SETX: variants seen among roughly 807,000 people sequenced by gnomAD.
SETX encodes the protein helicase senataxin.
Under a neutral mutation model 227.2 loss-of-function variants are expected in SETX, and 90 were observed. The ratio of observed to expected loss-of-function variants is 0.40; its 90% CI spans 0.33 to 0.47. The LOEUF is 0.47. Among genes scored for constraint, SETX ranks in the 20% least tolerant of loss-of-function variants. SETX has a pLI of 0.91. For missense variants in SETX, 3,052 were observed against 3,181.5 expected, an observed-to-expected ratio of 0.96 and a Z score of 0.98; for synonymous variants, 1,210 against 1,113.2, an observed-to-expected ratio of 1.09 and a Z score of -1.73.
chr9:132,305,785 C>T lies in SETX; in HGVS notation c.5375-4982G>A, dbSNP rs117881444. ...ACTGAAGGAAACTAAGAAGACATCA[C>T]AACTGAATGGAATTTGTGATTCTAG... On this transcript the variant is annotated intron_variant, in intron 11 of 25. Transcript: ENST00000224140. Among the ~76,000 whole-genome samples the T allele has an allele frequency of 4.0e-4, 61 of 152,254 alleles. No homozygotes were observed. In the East Asian group the frequency reaches 0.01, roughly 25 times the overall value.
At chr9:132,278,437 C>CTTTTTTTTTTT (rs67558000) in intron 20 of SETX, among the ~76,000 whole-genome samples, 180 bp from the exon 21 acceptor site, 4 of 84,832 alleles carry the variant, frequency 4.7e-5, no homozygotes, top group Non-Finnish European at 7.5e-5. Context: ...TGCCATGAAT[C>CTTTTTTTTTTT]TTTTTTTTTT....
At chr9:132,267,932 G>C (rs899037593) in intron 25 of SETX, among the ~76,000 whole-genome samples, 4 of 152,190 alleles carry the variant, frequency 2.6e-5, no homozygotes, top group African/African-American at 9.7e-5. Context: ...ATGAAAAACA[G>C]TAGTGCCCAC....
chr9:132,301,347 A>G (rs1272215845), intron 11 of SETX, among the ~76,000 whole-genome samples: 7 of 152,022 alleles, frequency 4.6e-5, no homozygotes, highest in African/African-American at 2.4e-5. Flanking sequence ...TCAGCCTCCC[A>G]AAGTGCTGGG....
At chr9:132,331,242 G>A (rs745751506) in intron 8 of SETX, 35 bp downstream of exon 8, 2 of 1,612,632 alleles carry the variant, frequency 1.2e-6, no homozygotes, top group Non-Finnish European at 1.7e-6. Context: ...TTCTTATAGA[G>A]ATGATGTTTA....
rs1842441787 is a variant in SETX at position 132,262,342 on chromosome 9, T to C, written c.*1897A>G. ...TTTTGCCATGCCTCCCTTTAGAAGC[T>C]TAGGAGTTTGTACATTCCCTAAGTG... On this transcript the variant is annotated 3_prime_UTR_variant, in exon 26 of 26. Transcript: ENST00000224140. The C allele has an allele frequency of 6.6e-6, 1 of 152,178 alleles. No homozygotes were observed. Among genetic ancestry groups the C allele is most frequent in the African/African-American group, 2.4e-5 (1 of 41,432 alleles). 9.4% of individuals were successfully genotyped at this position (152,178 alleles called of 1,614,324 possible).
intron 15 of SETX, among the ~76,000 whole-genome samples, chr9:132,292,536 T>C (rs1399071802): frequency 4.1e-5 from 6 of 146,112 alleles, no homozygotes; most frequent in East Asian, 2.0e-4. Flanking sequence ...AGACAACAAA[T>C]ACAATACTAA....
intron 10 of SETX, among the ~76,000 whole-genome samples, chr9:132,324,304 T>C (rs376436633): frequency 1.3e-5 from 2 of 152,098 alleles, no homozygotes; most frequent in South Asian, 4.1e-4. Context: ...AAATTTGAGG[T>C]ACGAATTGAT....
intron 3 of SETX, 38 bp from the exon 4 acceptor site, chr9:132,346,509 TATC>T: frequency 7.0e-7 from 1 of 1,418,556 alleles, no homozygotes; most frequent in Non-Finnish European, 9.8e-7. Context: ...CGTTATGTCT[TATC>T]ATCAACAAAA....
chr9:132,326,939 A>C lies in SETX; in HGVS notation c.4659T>G (p.Asp1553Glu). Residue 1553 changes from aspartate to glutamate, a missense_variant, in exon 10 of 26, where the codon GAT (aspartate) becomes GAG (glutamate). Transcript: ENST00000224140. ...SLSGTKCKYK[D>E]CLETTKNQGE... is the part of the protein sequence containing the mutation. ...CCTGGTTTTTTGTGGTTTCAAGACA[A>C]TCTTTGTACTTACACTTTGTGCCAC... 1 of 1,614,218 alleles carries C rather than the reference A, an allele frequency of 6.2e-7. No homozygotes were observed. Among genetic ancestry groups the C allele is most frequent in the Non-Finnish European group, 8.5e-7 (1 of 1,180,044 alleles).
intron 18 of SETX, among the ~76,000 whole-genome samples, chr9:132,284,184 G>A (rs1843698859): frequency 6.6e-6 from 1 of 152,202 alleles, no homozygotes; most frequent in Non-Finnish European, 1.5e-5. Context: ...GTCAGACACT[G>A]TCCTCAGCCA....
At chr9:132,287,766 C>CAAAAAAAAAAAAA (rs34551713) in intron 17 of SETX, among the ~76,000 whole-genome samples, 1 of 123,900 alleles carries the variant, frequency 8.1e-6, no homozygotes. Context: ...ACCAAAAGGA[C>CAAAAAAAAAAAAA]AAAAAAAAAA....
At chr9:132,315,686 G>A (rs762738831) in intron 10 of SETX, among the ~76,000 whole-genome samples, 4 of 152,092 alleles carry the variant, frequency 2.6e-5, no homozygotes, top group Non-Finnish European at 4.4e-5. Flanking sequence ...CTTAACCACT[G>A]CTGCACAAAA....
intron 10 of SETX, among the ~76,000 whole-genome samples, chr9:132,318,363 C>T (rs556002371): frequency 1.2e-4 from 18 of 152,122 alleles, no homozygotes; most frequent in Non-Finnish European, 2.5e-4. Flanking sequence ...TTACTTTTCT[C>T]TTATAGTGAC....
In SETX at chr9:132,330,495, G is replaced by A. The variant is rs750687631; in HGVS notation, c.1103C>T (p.Ser368Phe). ...NYNPEKTKKD[S>F]GWRTAICPDY... ...TGGGCAAATGGCTGTTCTCCATCCAGAATCCTAAAATGAAAGAAATGCTGA... is the reference window on the plus strand; with the variant it reads ...TGGGCAAATGGCTGTTCTCCATCCAAAATCCTAAAATGAAAGAAATGCTGA... The change falls in exon 10 of 26, where the codon TCT (serine) becomes TTT (phenylalanine). Residue 368 changes from serine (S) to phenylalanine (F), a missense_variant. Around this residue, in one of 10 missense-constraint regions of SETX, gnomAD observed 39 missense variants for 84.8 expected, o/e 0.46. Transcript: ENST00000224140. 4.3e-6 allele frequency: 7 copies of A among 1,611,736 alleles called. No homozygotes were observed. The highest frequency in any genetic ancestry group is 5.9e-6 in the Non-Finnish European group (7 of 1,179,776).
chr9:132,356,699 A>G (rs1338082303), upstream of SETX, among the ~76,000 whole-genome samples: 1 of 152,142 alleles, frequency 6.6e-6, no homozygotes, highest in Non-Finnish European at 1.5e-5. Flanking sequence ...GAGGATGAGG[A>G]GCAAGCCCAG....
intron 7 of SETX, among the ~76,000 whole-genome samples, chr9:132,331,725 A>G (rs550193767): frequency 4.1e-4 from 62 of 152,276 alleles, no homozygotes; most frequent in Middle Eastern, 3.4e-3. Context: ...GCAAGAAAAC[A>G]GTCTAGGTAA....
At chr9:132,342,284 T>C (rs1848023612) in intron 5 of SETX, among the ~76,000 whole-genome samples, 1 of 152,198 alleles carries the variant, frequency 6.6e-6, no homozygotes, top group Non-Finnish European at 1.5e-5. Flanking sequence ...AGCACCAGAA[T>C]TTCCCAGTCT....
chr9:132,278,912 CT>C (rs1201846380), intron 20 of SETX, among the ~76,000 whole-genome samples: 3 of 152,128 alleles, frequency 2.0e-5, no homozygotes, highest in Non-Finnish European at 4.4e-5. Flanking sequence ...GCTAAGACCA[CT>C]AGAGTGAATA....
intron 10 of SETX, among the ~76,000 whole-genome samples, chr9:132,316,808 G>C (rs1027470208): frequency 6.6e-6 from 1 of 152,146 alleles, no homozygotes; most frequent in African/African-American, 2.4e-5. Flanking sequence ...TGCCACTCTC[G>C]TATGTGTCTA....
Sources: gnomAD v4.1 joint callset for allele counts (sites outside exome capture counted in the v4.1 genomes callset) on GRCh38, gnomAD v4.1.1 for gene constraint, gnomAD v4.1.1 regional missense constraint, MANE v1.5 for transcripts, NCBI Gene and HGNC (gene_info 2026-07-23, HGNC 2026-07-21) for gene names.